The following NBEA variants were observed in gnomAD, a reference collection of about 807,000 sequenced individuals.
NBEA encodes neurobeachin, also known as lysosomal-trafficking regulator 2.
NBEA carries 44 observed loss-of-function variants against 343.4 expected under a neutral mutation model. That is an observed-to-expected ratio of 0.13 (90% confidence interval 0.10 to 0.16). NBEA has a LOEUF of 0.16. NBEA is among the 10% of genes least tolerant of loss of function. The pLI, the probability that NBEA is intolerant of heterozygous loss-of-function variation, is 1.00. For synonymous variants in NBEA, 1,175 were observed against 1,238.7 expected (o/e 0.95, Z 1.08); for missense variants, 2,555 against 3,631.3 (o/e 0.70, Z 7.62).
At chr13:35,018,858 A>G (rs896347770) in intron 1 of NBEA, among the ~76,000 whole-genome samples, 1 of 152,194 alleles carries the variant, frequency 6.6e-6, no homozygotes, top group Non-Finnish European at 1.5e-5. Context: ...TTCACCATTA[A>G]GTATGATGTT....
chr13:35,333,957 T>G (rs901240393), intron 36 of NBEA, among the ~76,000 whole-genome samples: 2 of 152,154 alleles, frequency 1.3e-5, no homozygotes, highest in South Asian at 2.1e-4. Context: ...GTTGGACATT[T>G]AGGATGCTTC....
intron 41 of NBEA, among the ~76,000 whole-genome samples, chr13:35,505,388 G>T (rs1381328615): frequency 6.6e-6 from 1 of 152,168 alleles, no homozygotes; most frequent in Non-Finnish European, 1.5e-5. Flanking sequence ...AAACCATGGC[G>T]ACCTATTCCG....
intron 27 of NBEA, 95 bp from the exon 28 acceptor site, chr13:35,176,901 A>G: frequency 1.4e-6 from 1 of 738,382 alleles, no homozygotes; most frequent in Non-Finnish European, 2.3e-6. Context: ...AGGTGGAGAT[A>G]CATGATGTGA....
intron 41 of NBEA, among the ~76,000 whole-genome samples, chr13:35,485,639 C>G (rs1452840636): frequency 6.6e-6 from 1 of 152,060 alleles, no homozygotes; most frequent in Non-Finnish European, 1.5e-5. Context: ...ACCCTGGGTG[C>G]CAGCTGTCAC....
intron 38 of NBEA, among the ~76,000 whole-genome samples, chr13:35,380,878 T>C (rs2041975322): frequency 6.6e-6 from 1 of 152,158 alleles, no homozygotes; most frequent in African/African-American, 2.4e-5. Flanking sequence ...TTGCCACAAT[T>C]GTGATATTAG....
At chr13:35,345,009 G>T (rs2039792983) in intron 36 of NBEA, among the ~76,000 whole-genome samples, 1 of 152,058 alleles carries the variant, frequency 6.6e-6, no homozygotes, top group Non-Finnish European at 1.5e-5. Flanking sequence ...CAATTCAACT[G>T]TGTATAAAAA....
chr13:35,106,698 G>C (rs1022471153), intron 11 of NBEA, among the ~76,000 whole-genome samples: 1 of 151,460 alleles, frequency 6.6e-6, no homozygotes, highest in African/African-American at 2.4e-5. Flanking sequence ...ATTTTCCAAA[G>C]AATAATTTTA....
chr13:35,427,823 C>A (rs1364781216), intron 38 of NBEA, among the ~76,000 whole-genome samples: 2 of 152,190 alleles, frequency 1.3e-5, no homozygotes, highest in Non-Finnish European at 2.9e-5. Context: ...CTAATCAATT[C>A]TCAGCAATGG....
chr13:35,596,668 A>G (rs2081820002), intron 47 of NBEA, among the ~76,000 whole-genome samples: 1 of 152,178 alleles, frequency 6.6e-6, no homozygotes, highest in South Asian at 2.1e-4. Context: ...TAGTCTTGGT[A>G]ACAATGACAT....
chr13:35,501,984 T>C (rs1407532249), intron 41 of NBEA, among the ~76,000 whole-genome samples: 2 of 152,170 alleles, frequency 1.3e-5, no homozygotes, highest in African/African-American at 4.8e-5. Context: ...GGTATTTATT[T>C]CTAAAAATAT....
At chr13:35,020,105 A>G (rs1250536371) in intron 1 of NBEA, among the ~76,000 whole-genome samples, 4 of 152,050 alleles carry the variant, frequency 2.6e-5, no homozygotes, top group African/African-American at 7.2e-5. Context: ...ACCTAAGGTC[A>G]TTGAATTGAA....
At chr13:35,195,791 T>A (rs1166624493) in intron 30 of NBEA, 73 bp from the exon 31 acceptor site, 16 of 1,333,532 alleles carry the variant, frequency 1.2e-5, no homozygotes, top group Non-Finnish European at 1.5e-5. Flanking sequence ...TTTGAATATA[T>A]GAAAACATTT....
At chr13:35,255,799 C>T (rs1052754284) in intron 34 of NBEA, among the ~76,000 whole-genome samples, 17 of 152,336 alleles carry the variant, frequency 1.1e-4, no homozygotes, top group African/African-American at 3.6e-4. Flanking sequence ...TGTTTCAGCC[C>T]TGTTTGTGTT....
intron 34 of NBEA, among the ~76,000 whole-genome samples, chr13:35,247,917 A>T (rs535711175): frequency 1.3e-4 from 20 of 152,240 alleles, no homozygotes; most frequent in Non-Finnish European, 2.9e-4. Flanking sequence ...AAAAAATGAA[A>T]GAGTAGGCAT....
rs550115192 is a variant in NBEA, at chr13:35,375,704, T to C, written c.6179+23381T>C. ...GTGTTTCTAGAAACCATACATGAAATCATAGCATTTGTGATGCTGAAATTT... is the reference window on the plus strand; with the variant it reads ...GTGTTTCTAGAAACCATACATGAAACCATAGCATTTGTGATGCTGAAATTT... On this transcript the variant is annotated intron_variant, in intron 38 of 58. Transcript: ENST00000379939. Among the ~76,000 whole-genome samples, 23 of 152,252 alleles carry C rather than the reference T, an allele frequency of 1.5e-4. No homozygotes were observed. The South Asian group carries it at 4.6e-3, about 30-fold the overall frequency.
intron 1 of NBEA, among the ~76,000 whole-genome samples, chr13:34,959,281 C>T (rs2059588202): frequency 1.3e-5 from 2 of 151,610 alleles, no homozygotes; most frequent in South Asian, 2.1e-4. Context: ...ATGTTTTTTT[C>T]GTAGGTGTTA....
At chr13:35,029,223 T>C (rs1359816890) in intron 1 of NBEA, among the ~76,000 whole-genome samples, 2 of 151,586 alleles carry the variant, frequency 1.3e-5, no homozygotes, top group Non-Finnish European at 3.0e-5. Flanking sequence ...TATAATGATA[T>C]ATAAACATTT....
intron 38 of NBEA, among the ~76,000 whole-genome samples, chr13:35,358,509 G>A (rs976557277): frequency 1.3e-5 from 2 of 151,888 alleles, no homozygotes; most frequent in East Asian, 3.9e-4. Flanking sequence ...TTTGAGGTTA[G>A]GAGTTCAAGA....
chr13:35,041,102 C>T lies in NBEA; in HGVS notation c.464C>T (p.Thr155Ile). Residue 155 changes from threonine (T) to isoleucine (I), a missense_variant, in exon 2 of 59, where the codon ACA (threonine) becomes ATA (isoleucine). By Grantham distance (89) the Thr-to-Ile change is moderately conservative. This residue lies in a region of NBEA where 185 missense variants were observed against 290.6 expected (regional missense o/e 0.64). Transcript: ENST00000379939. ...AGTGTTCGGAATTTACAGACTAGCACAGAAGTTGGGCTAATTGAACAAGTA... is the reference window on the plus strand; with the variant it reads ...AGTGTTCGGAATTTACAGACTAGCATAGAAGTTGGGCTAATTGAACAAGTA... ...RKSVRNLQTS[T>I]EVGLIEQVLL... 6.2e-7 allele frequency: 1 copy of T among 1,612,928 alleles called. No individual in the cohort carries two copies. Among genetic ancestry groups the T allele is most frequent in the Non-Finnish European group, 8.5e-7 (1 of 1,179,444 alleles).
Sources: gnomAD v4.1 joint callset for allele counts (sites outside exome capture counted in the v4.1 genomes callset) on GRCh38, gnomAD v4.1.1 for gene constraint, gnomAD v4.1.1 regional missense constraint, MANE v1.5 for transcripts, NCBI Gene and HGNC (gene_info 2026-07-23, HGNC 2026-07-21) for gene names.